SH3RF2: variants seen among roughly 807,000 people sequenced by gnomAD.
The protein encoded by SH3RF2 is SH3 domain containing ring finger 2, also known as E3 ubiquitin-protein ligase SH3RF2.
Under a neutral mutation model 59.0 loss-of-function variants are expected in SH3RF2, and 43 were observed. That is an observed-to-expected ratio of 0.73 (90% CI 0.57 to 0.94). The LOEUF (loss-of-function observed/expected upper bound fraction) is 0.94, where lower values mean the gene tolerates loss of function less well. SH3RF2 is among the 40% of genes least tolerant of loss of function. SH3RF2 has a pLI of 0.00. For missense variants in SH3RF2, 930 were observed against 940.1 expected, an observed-to-expected ratio of 0.99 and a Z score of 0.14; for synonymous variants, 391 against 391.5, an observed-to-expected ratio of 1.00 and a Z score of 0.01.
At position 146,014,011 on chromosome 5, in the gene SH3RF2, A is replaced by T; in HGVS notation, c.1009A>T (p.Ile337Phe). The T allele has an allele frequency of 6.2e-7, 1 of 1,614,092 alleles. No homozygotes were observed. The highest frequency in any genetic ancestry group is 1.1e-5 in the South Asian group (1 of 91,070). Residue 337 changes from isoleucine to phenylalanine, a missense_variant, in exon 5 of 10, where the codon ATC becomes TTC. Transcript: ENST00000359120. ...VLISSSNPSV[I>F]TQPMEKADVP... is the part of the protein sequence containing the mutation. Reference sequence around the variant, plus strand: ...CATCAGCTCCAGCAACCCCTCTGTGATCACCCAGCCCATGGAGAAAGCAGA... The same window carrying T: ...CATCAGCTCCAGCAACCCCTCTGTGTTCACCCAGCCCATGGAGAAAGCAGA...
chr5:145,964,224 CTTTCT>C (rs754395986), intron 2 of SH3RF2, among the ~76,000 whole-genome samples: 27 of 145,284 alleles, frequency 1.9e-4, no homozygotes, highest in South Asian at 1.1e-3. Context: ...TCCCTTCCTT[CTTTCT>C]TTTCTTTCTT....
intron 5 of SH3RF2, among the ~76,000 whole-genome samples, chr5:146,035,996 A>C (rs910931770): frequency 1.3e-5 from 2 of 152,228 alleles, no homozygotes; most frequent in Admixed American, 6.5e-5. Context: ...GAACTGCAGC[A>C]GACTTCAGAG....
intron 2 of SH3RF2, among the ~76,000 whole-genome samples, chr5:145,972,937 A>G (rs534386754): frequency 6.6e-6 from 1 of 152,316 alleles, no homozygotes; most frequent in South Asian, 2.1e-4. Flanking sequence ...TAATAGAGCT[A>G]CAAGAAGAAC....
chr5:146,060,168 T>C lies in SH3RF2; in HGVS notation c.1858T>C (p.Ser620Pro), dbSNP rs1035881563. Residue 620 changes from serine to proline, a missense_variant, in exon 9 of 10, where the codon TCT becomes CCT. Coordinates refer to ENST00000359120, the MANE Select transcript of SH3RF2 (RefSeq NM_152550.4). ...KSEPLPKPPASAPPSILVKPE... is the reference protein window; with the variant it reads ...KSEPLPKPPAPAPPSILVKPE... ...TGAGCCTCTGCCAAAACCGCCCGCA[T>C]CTGCCCCACCATCCATCCTGGTGAA... is the stretch of plus-strand genomic sequence containing the variant. The C allele has an allele frequency of 6.2e-7, 1 of 1,613,938 alleles. No individual in the cohort carries two copies. Among genetic ancestry groups the C allele is most frequent in the South Asian group, 1.1e-5 (1 of 91,030 alleles).
chr5:146,012,092 G>T (rs1278637340), intron 4 of SH3RF2, among the ~76,000 whole-genome samples: 1 of 148,618 alleles, frequency 6.7e-6, no homozygotes, highest in Non-Finnish European at 1.5e-5. Flanking sequence ...TAGCATGAAG[G>T]GCTGTTGAAT....
intron 3 of SH3RF2, among the ~76,000 whole-genome samples, chr5:146,001,180 A>T (rs1213949745): frequency 6.6e-6 from 1 of 152,222 alleles, no homozygotes; most frequent in African/African-American, 2.4e-5. Context: ...GTTGTACTAA[A>T]GTCTACACTA....
chr5:146,074,412 T>C (rs1393477079), intron 9 of SH3RF2, among the ~76,000 whole-genome samples: 2 of 152,072 alleles, frequency 1.3e-5, no homozygotes, highest in African/African-American at 2.4e-5. Context: ...AGAGGCAAAT[T>C]ACCGCCCTTT....
At chr5:146,062,297 T>G (rs1580943453) in intron 9 of SH3RF2, 129 bp from the exon 10 acceptor site, 1 of 1,191,762 alleles carries the variant, frequency 8.4e-7, no homozygotes, top group East Asian at 2.4e-5. Flanking sequence ...TCTTAGCACT[T>G]GACACTCATG....
chr5:146,071,901 G>T (rs1448951662), intron 9 of SH3RF2, among the ~76,000 whole-genome samples: 3 of 152,300 alleles, frequency 2.0e-5, no homozygotes, highest in East Asian at 1.9e-4. Flanking sequence ...ACATAGAATT[G>T]TTCAATAAGT....
At chr5:146,020,086 CTTTA>C (rs1240603707) in intron 5 of SH3RF2, among the ~76,000 whole-genome samples, 2 of 152,082 alleles carry the variant, frequency 1.3e-5, no homozygotes, top group Non-Finnish European at 2.9e-5. Flanking sequence ...TTTGGATGCC[CTTTA>C]TTTCTTTCTC....
chr5:145,988,280 C>G (rs1759793965), intron 2 of SH3RF2, among the ~76,000 whole-genome samples: 1 of 151,592 alleles, frequency 6.6e-6, no homozygotes, highest in African/African-American at 2.4e-5. Context: ...TGGCCCAGAG[C>G]CCCCACCATA....
At position 146,040,959 on chromosome 5, in the gene SH3RF2, G is replaced by A. The variant is rs115462116; in HGVS notation, c.1060-6813G>A. Among the ~76,000 whole-genome samples the A allele has an allele frequency of 8.2e-3, 1,246 of 152,240 alleles. 24 individuals carry two copies. The highest frequency in any genetic ancestry group is 0.028 in the African/African-American group (1,179 of 41,532). ...ACCTATTCCATATTACTAGGGACAC[G>A]TGACAGGAACGGTGGTCATCCTGTC... On this transcript the variant is annotated intron_variant, in intron 5 of 9. Coordinates refer to ENST00000359120, the MANE Select transcript of SH3RF2 (RefSeq NM_152550.4).
intron 4 of SH3RF2, among the ~76,000 whole-genome samples, chr5:146,012,484 G>T (rs1023296187): frequency 5.9e-5 from 9 of 152,130 alleles, no homozygotes; most frequent in Admixed American, 5.2e-4. Context: ...CTGTGAATCT[G>T]TCTGGTCCTG....
intron 2 of SH3RF2, among the ~76,000 whole-genome samples, chr5:145,953,867 T>C (rs555170484): frequency 2.0e-5 from 3 of 152,322 alleles, no homozygotes; most frequent in African/African-American, 7.2e-5. Flanking sequence ...GCTCCATCCA[T>C]GTTCCCTCAA....
At position 146,049,088 on chromosome 5, in the gene SH3RF2, C is replaced by A; in HGVS notation, c.1165C>A (p.His389Asn). Reference protein sequence around the residue: ...HLSANMFVALHSYSAHGPDEL... With the variant: ...HLSANMFVALNSYSAHGPDEL... The stretch of plus-strand genomic sequence containing the variant: ...GTGTCTTCCCAGGTTTGTAGCCCTG[C>A]ACTCCTACTCAGCCCATGGACCCGA... Residue 389 changes from histidine (H) to asparagine (N), a missense_variant, in exon 7 of 10, where the codon CAC becomes AAC. By Grantham distance (68) the His-to-Asn change is moderately conservative. Coordinates refer to ENST00000359120, the MANE Select transcript of SH3RF2 (RefSeq NM_152550.4). 6.2e-7 allele frequency: 1 copy of A among 1,614,152 alleles called. No individual in the cohort carries two copies. Among genetic ancestry groups the A allele is most frequent in the Non-Finnish European group, 8.5e-7 (1 of 1,180,034 alleles).
At chr5:145,943,012 TATATC>T (rs753137558) in intron 2 of SH3RF2, among the ~76,000 whole-genome samples, 11 of 152,206 alleles carry the variant, frequency 7.2e-5, no homozygotes, top group Non-Finnish European at 1.5e-4. Flanking sequence ...AAGGCATACT[TATATC>T]ATACAGCTAT....
rs73313907 is a variant in SH3RF2 at position 146,057,780 on chromosome 5, A to T, written c.1555+1567A>T. Among the ~76,000 whole-genome samples the T allele has an allele frequency of 2.7e-3, 408 of 152,254 alleles. 2 individuals carry two copies. The highest frequency in any genetic ancestry group is 9.6e-3 in the African/African-American group (398 of 41,550). On this transcript the variant is annotated intron_variant, in intron 8 of 9. Coordinates refer to ENST00000359120, the MANE Select transcript of SH3RF2 (RefSeq NM_152550.4). The stretch of plus-strand genomic sequence containing the variant: ...TATAGTGAGACCTCATCTCTAAAAA[A>T]AAAATTAAAAGAACAAACCAAGTAT...
chr5:145,967,371 GA>G (rs1020482610), intron 2 of SH3RF2, among the ~76,000 whole-genome samples: 6 of 149,212 alleles, frequency 4.0e-5, no homozygotes, highest in South Asian at 2.1e-4. Context: ...GATACCTCAA[GA>G]AAAAAAAAAT....
At chr5:145,989,710 C>A (rs539275624) in intron 2 of SH3RF2, among the ~76,000 whole-genome samples, 2 of 152,252 alleles carry the variant, frequency 1.3e-5, no homozygotes, top group Admixed American at 6.5e-5. Flanking sequence ...TAGAGAGAAC[C>A]AGGCCAACCT....
Sources: gnomAD v4.1 joint callset for allele counts (sites outside exome capture counted in the v4.1 genomes callset) on GRCh38, gnomAD v4.1.1 for gene constraint, MANE v1.5 for transcripts, NCBI Gene and HGNC (gene_info 2026-07-23, HGNC 2026-07-21) for gene names.